The following CPSF2 variants were observed in gnomAD, a reference collection of about 807,000 sequenced individuals.
CPSF2 encodes the protein cleavage and polyadenylation specific factor 2.
In CPSF2, 51 loss-of-function variants were observed where a neutral mutation model predicts 84.2. That is an observed-to-expected ratio of 0.61 (90% CI 0.48 to 0.77). The LOEUF is 0.77. CPSF2 is among the 30% of genes least tolerant of loss of function. The pLI is 0.00. For synonymous variants in CPSF2, 286 were observed against 311.9 expected, an observed-to-expected ratio of 0.92 and a Z score of 0.87; for missense variants, 641 against 929.4, an observed-to-expected ratio of 0.69 and a Z score of 4.03.
At chr14:92,132,472 CTTAAA>C (rs1490365596) in intron 3 of CPSF2, among the ~76,000 whole-genome samples, 2 of 150,464 alleles carry the variant, frequency 1.3e-5, no homozygotes, top group Non-Finnish European at 1.5e-5. Context: ...AGTTCTTGAA[CTTAAA>C]TTAATAGTTT....
At position 92,138,461 on chromosome 14, in the gene CPSF2, G is replaced by A. The variant is rs894956943; in HGVS notation, c.661+114G>A. 1.7e-4 allele frequency: 84 copies of A among 497,004 alleles called. 1 individual carries two copies. The highest frequency in any genetic ancestry group is 1.4e-3 in the African/African-American group (67 of 48,970). 30.8% of individuals were successfully genotyped at this position (497,004 alleles called of 1,614,324 possible). ...CTTTTTTTTTTTGAGACGGACTTTC[G>A]CTCTTTCACCCAGGCTGGAGTGAAG... is the stretch of plus-strand genomic sequence containing the variant. On this transcript the variant is annotated intron_variant, in intron 7 of 15. Transcript: ENST00000298875.
At position 92,161,634 on chromosome 14, in the gene CPSF2, T is replaced by A. The variant is rs773982968; in HGVS notation, c.2257-18T>A. On this transcript the variant is annotated intron_variant, in intron 15 of 15. Coordinates refer to ENST00000298875, the MANE Select transcript of CPSF2 (RefSeq NM_017437.3). ...GAATAGAAAATGTACTAAAGAATTT[T>A]TTTTATTTGGTTTCTAGACGGAAAC... The A allele has an allele frequency of 9.0e-6, 14 of 1,550,616 alleles. No homozygotes were observed. Among genetic ancestry groups the A allele is most frequent in the Middle Eastern group, 3.4e-4 (2 of 5,816 alleles).
chr14:92,129,661 T>G (rs1320753970), intron 2 of CPSF2, among the ~76,000 whole-genome samples: 3 of 152,206 alleles, frequency 2.0e-5, no homozygotes. Flanking sequence ...TCATAACTTC[T>G]GCTTAATAGC....
In CPSF2 at chr14:92,148,223, C is replaced by T. The variant is rs949482461; in HGVS notation, c.1140+4929C>T. On this transcript the variant is annotated intron_variant, in intron 9 of 15. Transcript: ENST00000298875. ...ACAGGAAAGTTACAAAAATATTATA[C>T]CCAGATTCCCCAATTGTCAACATTT... Among the ~76,000 whole-genome samples, 2 of 152,092 alleles carry T rather than the reference C, an allele frequency of 1.3e-5. 1 individual carries two copies. The highest frequency in any genetic ancestry group is 4.1e-4 in the South Asian group (2 of 4,822).
intron 11 of CPSF2, among the ~76,000 whole-genome samples, chr14:92,156,151 G>A (rs777045097): frequency 2.0e-5 from 3 of 152,110 alleles, no homozygotes; most frequent in Admixed American, 6.6e-5. Flanking sequence ...TTAGCCGGGC[G>A]TGATGGCAGG....
chr14:92,131,375 A>G lies in CPSF2; in HGVS notation c.149+242A>G, dbSNP rs111325218. On this transcript the variant is annotated intron_variant, in intron 3 of 15. Transcript: ENST00000298875. ...AATGGATTTCAGTAGAAACTTTTGC[A>G]TGCTAATTTTTGGAAAGAACAAGAA... Among the ~76,000 whole-genome samples, 25 of 152,362 alleles carry G rather than the reference A, an allele frequency of 1.6e-4. 2 individuals are homozygous for G. Among genetic ancestry groups the G allele is most frequent in the African/African-American group, 4.8e-4 (20 of 41,592 alleles).
intron 3 of CPSF2, among the ~76,000 whole-genome samples, chr14:92,131,375 A>T (rs111325218): frequency 6.6e-6 from 1 of 152,244 alleles, no homozygotes; most frequent in Non-Finnish European, 1.5e-5. Flanking sequence ...AAACTTTTGC[A>T]TGCTAATTTT....
chr14:92,158,102 AG>A (rs1207012739), intron 13 of CPSF2, among the ~76,000 whole-genome samples: 1 of 152,192 alleles, frequency 6.6e-6, no homozygotes, highest in African/African-American at 2.4e-5. Context: ...GAGTATCAAG[AG>A]GGGAAACCAC....
rs545238816 is a variant in CPSF2, at chr14:92,158,082, G to A, written c.1821+198G>A. 2.6e-5 allele frequency among the ~76,000 whole-genome samples: 4 copies of A among 152,278 alleles called. No homozygotes were observed. The South Asian group carries it at 8.3e-4, about 32-fold the overall frequency. ...TGTGCCACTGAGAGAAGAAGTACAG[G>A]ATGCTATGAGAGTATCAAGAGGGGA... On this transcript the variant is annotated intron_variant, in intron 13 of 15. Transcript: ENST00000298875.
intron 9 of CPSF2, among the ~76,000 whole-genome samples, chr14:92,153,866 CT>C (rs767628179): frequency 2.6e-3 from 312 of 121,646 alleles, no homozygotes; most frequent in Admixed American, 3.6e-3. Flanking sequence ...CCACTCCTGG[CT>C]TTTTTTTTTT....
intron 2 of CPSF2, among the ~76,000 whole-genome samples, chr14:92,128,281 A>C (rs2068868005): frequency 6.6e-6 from 1 of 151,972 alleles, no homozygotes; most frequent in African/African-American, 2.4e-5. Flanking sequence ...TGAGGTCAAG[A>C]GATCGAGACT....
chr14:92,137,566 T>C (rs887482523), intron 6 of CPSF2, among the ~76,000 whole-genome samples: 1 of 152,218 alleles, frequency 6.6e-6, no homozygotes, highest in Non-Finnish European at 1.5e-5. Context: ...GGTCAGTCTT[T>C]TTGATTGAAC....
chr14:92,131,194 A>G, intron 3 of CPSF2, 61 bp downstream of exon 3: 2 of 1,368,106 alleles, frequency 1.5e-6, no homozygotes, highest in Non-Finnish European at 2.0e-6. Flanking sequence ...CTGTACTGTA[A>G]TACCATTTCG....
chr14:92,122,241 C>T (rs961814117), intron 1 of CPSF2, 113 bp downstream of exon 1: 1 of 282,878 alleles, frequency 3.5e-6, no homozygotes, highest in African/African-American at 2.2e-5. Context: ...GGACTCGCCC[C>T]CGCCGCTTCG....
intron 1 of CPSF2, among the ~76,000 whole-genome samples, chr14:92,123,860 A>G (rs933484087): frequency 6.6e-6 from 1 of 152,218 alleles, no homozygotes; most frequent in Non-Finnish European, 1.5e-5. Flanking sequence ...TTGGTATTGG[A>G]TATACAAAGA....
intron 10 of CPSF2, 122 bp from the exon 11 acceptor site, chr14:92,155,001 G>A (rs2069270157): frequency 2.9e-6 from 2 of 678,800 alleles, no homozygotes; most frequent in African/African-American, 1.8e-5. Context: ...CGACATAACT[G>A]TATATTATCA....
chr14:92,151,799 G>C (rs978969798), intron 9 of CPSF2, among the ~76,000 whole-genome samples: 9 of 152,112 alleles, frequency 5.9e-5, no homozygotes, highest in African/African-American at 1.9e-4. Context: ...CACTTTGAGA[G>C]GCTGAGGAGG....
At chr14:92,131,195 T>C in intron 3 of CPSF2, 62 bp downstream of exon 3, 1 of 1,355,952 alleles carries the variant, frequency 7.4e-7, no homozygotes, top group South Asian at 1.3e-5. Flanking sequence ...TGTACTGTAA[T>C]ACCATTTCGA....
chr14:92,138,885 T>C (rs1464506794), intron 7 of CPSF2, among the ~76,000 whole-genome samples: 2 of 150,518 alleles, frequency 1.3e-5, no homozygotes, highest in Non-Finnish European at 2.9e-5. Context: ...GTATTCTGTT[T>C]AGCACTTTTC....
Sources: allele counts gnomAD v4.1 joint callset (sites outside exome capture counted in the v4.1 genomes callset), GRCh38; gene constraint gnomAD v4.1.1; transcripts MANE v1.5; gene names NCBI Gene and HGNC (gene_info 2026-07-23, HGNC 2026-07-21).